Variants in GPC6 observed in about 807,000 individuals in gnomAD.
GPC6 encodes glypican 6, also known as glypican-6.
A neutral mutation model predicts 55.2 loss-of-function variants in GPC6; 14 were observed. The ratio of observed to expected loss-of-function variants is 0.25; its 90% CI spans 0.17 to 0.40. GPC6 has a LOEUF of 0.40. Ranked by LOEUF, GPC6 falls within the 10% of genes least tolerant of loss-of-function variation. The probability of loss-of-function intolerance (pLI) is 1.00; values close to 1 mark genes in which losing one functional copy is unlikely to be tolerated. For synonymous variants in GPC6, 278 were observed against 259.6 expected, an observed-to-expected ratio of 1.07 and a Z score of -0.68; for missense variants, 641 against 708.5, an observed-to-expected ratio of 0.90 and a Z score of 1.08.
intron 2 of GPC6, among the ~76,000 whole-genome samples, chr13:93,704,319 A>G (rs1882772329): frequency 6.6e-6 from 1 of 152,072 alleles, no homozygotes; most frequent in East Asian, 2.0e-4. Context: ...AAGCCCCAAA[A>G]TAAGGAAGAA....
chr13:93,950,562 C>G (rs936575396), intron 3 of GPC6, among the ~76,000 whole-genome samples: 1 of 152,082 alleles, frequency 6.6e-6, no homozygotes, highest in African/African-American at 2.4e-5. Flanking sequence ...TATGCTAATC[C>G]CACTTGTCCT....
At chr13:93,464,610 T>G (rs2139319380) in intron 1 of GPC6, among the ~76,000 whole-genome samples, 1 of 152,330 alleles carries the variant, frequency 6.6e-6, no homozygotes, top group South Asian at 2.1e-4. Context: ...TCTAGTTTTC[T>G]TGCTCTTTAT....
At chr13:94,103,783 G>T (rs1161335678) in intron 4 of GPC6, among the ~76,000 whole-genome samples, 1 of 152,028 alleles carries the variant, frequency 6.6e-6, no homozygotes, top group Non-Finnish European at 1.5e-5. Flanking sequence ...CTGGATATTA[G>T]CCCTTTGTCA....
intron 4 of GPC6, among the ~76,000 whole-genome samples, chr13:94,191,529 G>A (rs1002706531): frequency 4.0e-5 from 6 of 151,834 alleles, no homozygotes; most frequent in Admixed American, 3.3e-4. Flanking sequence ...CGATGTCCTT[G>A]GAAATGGCCT....
chr13:93,629,049 C>CAAA (rs34212412), intron 2 of GPC6, among the ~76,000 whole-genome samples: 79 of 145,662 alleles, frequency 5.4e-4, no homozygotes, highest in Non-Finnish European at 9.7e-4. Context: ...AAAAAAAAAA[C>CAAA]AAAAAAAACT....
intron 4 of GPC6, among the ~76,000 whole-genome samples, chr13:94,116,922 T>C (rs1886451207): frequency 6.6e-6 from 1 of 152,014 alleles, no homozygotes; most frequent in Non-Finnish European, 1.5e-5. Context: ...AATGAGTTGA[T>C]CTCTTATTAT....
At chr13:93,798,850 C>A (rs1886282864) in intron 2 of GPC6, among the ~76,000 whole-genome samples, 1 of 137,178 alleles carries the variant, frequency 7.3e-6, no homozygotes. Flanking sequence ...ACCCAGGAGG[C>A]GGAGGTTGCA....
intron 4 of GPC6, among the ~76,000 whole-genome samples, chr13:94,137,818 C>A (rs763515607): frequency 3.3e-5 from 5 of 152,058 alleles, no homozygotes; most frequent in Non-Finnish European, 7.4e-5. Flanking sequence ...TGCTAGGGGA[C>A]TTGTTAAGAG....
chr13:94,334,668 G>T (rs977066398), intron 6 of GPC6, among the ~76,000 whole-genome samples: 1 of 152,134 alleles, frequency 6.6e-6, no homozygotes, highest in African/African-American at 2.4e-5. Context: ...CCCTCCAGGT[G>T]GTGCCAAAGC....
chr13:93,800,076 A>G (rs540031410), intron 2 of GPC6, among the ~76,000 whole-genome samples: 2 of 152,326 alleles, frequency 1.3e-5, no homozygotes. Context: ...TTGCTGCTAC[A>G]TCACGTAATA....
intron 1 of GPC6, among the ~76,000 whole-genome samples, chr13:93,370,659 A>G (rs182697227): frequency 1.6e-4 from 25 of 152,274 alleles, no homozygotes; most frequent in Non-Finnish European, 3.2e-4. Flanking sequence ...TGGTGGGAAG[A>G]TTGGGTGAGC....
chr13:93,814,444 C>T (rs1379337722), intron 2 of GPC6, among the ~76,000 whole-genome samples: 1 of 152,102 alleles, frequency 6.6e-6, no homozygotes, highest in African/African-American at 2.4e-5. Context: ...CATGGTCAGC[C>T]TTGATTTGTC....
intron 3 of GPC6, among the ~76,000 whole-genome samples, chr13:94,016,240 A>G (rs1472385085): frequency 6.6e-6 from 1 of 152,150 alleles, no homozygotes; most frequent in East Asian, 1.9e-4. Context: ...AAGCTGAATA[A>G]TATTCCATTT....
chr13:93,416,681 C>T (rs964268535), intron 1 of GPC6, among the ~76,000 whole-genome samples: 1 of 151,988 alleles, frequency 6.6e-6, no homozygotes, highest in African/African-American at 2.4e-5. Flanking sequence ...TAACCTTCTC[C>T]ACCTCCCACA....
chr13:93,940,554 A>C (rs745518714), intron 3 of GPC6, among the ~76,000 whole-genome samples: 3 of 152,136 alleles, frequency 2.0e-5, no homozygotes, highest in Non-Finnish European at 4.4e-5. Context: ...AATAAATGGC[A>C]CAAAAAAGGA....
intron 3 of GPC6, among the ~76,000 whole-genome samples, chr13:93,989,064 C>T (rs1389548329): frequency 6.6e-6 from 1 of 152,030 alleles, no homozygotes; most frequent in Non-Finnish European, 1.5e-5. Flanking sequence ...AACTAAAATG[C>T]TTTTCATACA....
intron 1 of GPC6, among the ~76,000 whole-genome samples, chr13:93,423,914 G>A (rs1409171307): frequency 1.6e-5 from 2 of 122,876 alleles, no homozygotes; most frequent in Non-Finnish European, 3.6e-5. Flanking sequence ...AGGAATGGAT[G>A]ACCTGTGACC....
At chr13:93,974,571 C>G (rs553716097) in intron 3 of GPC6, among the ~76,000 whole-genome samples, 4 of 152,156 alleles carry the variant, frequency 2.6e-5, no homozygotes, top group African/African-American at 9.6e-5. Flanking sequence ...AAGTTTTATC[C>G]TCAGTATGGA....
At chr13:94,279,616 G>T (rs1163814354) in intron 4 of GPC6, among the ~76,000 whole-genome samples, 1 of 152,080 alleles carries the variant, frequency 6.6e-6, no homozygotes, top group Non-Finnish European at 1.5e-5. Flanking sequence ...TGCTTTAGGT[G>T]TGTCCCAGAG....
Sources: gnomAD v4.1 joint callset for allele counts (sites outside exome capture counted in the v4.1 genomes callset) on GRCh38, gnomAD v4.1.1 for gene constraint, MANE v1.5 for transcripts, NCBI Gene and HGNC (gene_info 2026-07-23, HGNC 2026-07-21) for gene names.